BPTF: variants seen among roughly 807,000 people sequenced by gnomAD.
BPTF encodes the protein bromodomain PHD finger transcription factor.
A neutral mutation model predicts 292.5 loss-of-function variants in BPTF; 18 were observed. That is an observed-to-expected ratio of 0.06 (90% CI 0.04 to 0.09). The LOEUF (loss-of-function observed/expected upper bound fraction) is 0.09. Among genes scored for constraint, BPTF ranks in the 10% least tolerant of loss-of-function variants. The probability of loss-of-function intolerance (pLI) is 1.00; values close to 1 mark genes in which losing one functional copy is unlikely to be tolerated. For missense variants in BPTF, 2,726 were observed against 3,498.7 expected (o/e 0.78, Z 5.57); for synonymous variants, 1,225 against 1,251.9 (o/e 0.98, Z 0.45).
chr17:67,979,590 C>A (rs2070065140), intron 27 of BPTF, among the ~76,000 whole-genome samples: 1 of 151,982 alleles, frequency 6.6e-6, no homozygotes. Flanking sequence ...TTTAGAATCA[C>A]CCTATAGACA....
chr17:67,832,783 CTTTTTTTTTTTTT>C (rs60751133), intron 1 of BPTF, among the ~76,000 whole-genome samples: 1 of 101,640 alleles, frequency 9.8e-6, no homozygotes, highest in African/African-American at 4.2e-5. Context: ...TGATTCGCCT[CTTTTTTTTTTTTT>C]TTTTTTTTTG....
In BPTF at chr17:67,922,943, A is replaced by G. The variant is rs1427998938; in HGVS notation, c.5661A>G (p.Val1887=). The change falls in exon 14 of 28, where the codon GTA becomes GTG. Residue 1887 remains valine (V), a synonymous_variant. Transcript: ENST00000306378. ...QTGPVIIETW[V]AEEELELWEI... ...GCCCTGTTATTATTGAAACCTGGGT[A>G]GCAGAAGAAGAACTGGAATTGTGGG... 3 of 1,614,038 alleles carry G rather than the reference A, an allele frequency of 1.9e-6. No individual in the cohort carries two copies.
At chr17:67,958,672 A>G (rs1466666347) in intron 23 of BPTF, among the ~76,000 whole-genome samples, 5 of 149,516 alleles carry the variant, frequency 3.3e-5, no homozygotes, top group Non-Finnish European at 5.9e-5. Context: ...GGGAGGTTGG[A>G]GTGCGCTGAG....
At chr17:67,906,720 T>G (rs1428957943) in intron 9 of BPTF, among the ~76,000 whole-genome samples, 1 of 152,138 alleles carries the variant, frequency 6.6e-6, no homozygotes, top group Non-Finnish European at 1.5e-5. Context: ...AATAGATATA[T>G]TTTTTATATC....
chr17:67,828,992 T>A (rs1346169544), intron 1 of BPTF, among the ~76,000 whole-genome samples: 1 of 152,236 alleles, frequency 6.6e-6, no homozygotes, highest in African/African-American at 2.4e-5. Flanking sequence ...TAAATTATTG[T>A]TAGTAGATAA....
At chr17:67,919,210 AATAATAAT>A (rs1389476301) in intron 12 of BPTF, among the ~76,000 whole-genome samples, 130 of 143,146 alleles carry the variant, frequency 9.1e-4, no homozygotes, top group African/African-American at 2.8e-3. Context: ...TAATAATAAT[AATAATAAT>A]AAAATATAAT....
intron 4 of BPTF, among the ~76,000 whole-genome samples, chr17:67,879,293 C>T (rs1394195188): frequency 6.6e-6 from 1 of 152,056 alleles, no homozygotes; most frequent in Non-Finnish European, 1.5e-5. Context: ...AGGTGCCCAC[C>T]ACCACGTCTG....
At chr17:67,968,453 T>C (rs1237572339) in intron 26 of BPTF, among the ~76,000 whole-genome samples, 1 of 151,470 alleles carries the variant, frequency 6.6e-6, no homozygotes, top group African/African-American at 2.4e-5. Flanking sequence ...ATGCTGGTAA[T>C]AGAAGTAATA....
At chr17:67,838,973 G>A (rs1031234356) in intron 1 of BPTF, among the ~76,000 whole-genome samples, 18 of 151,928 alleles carry the variant, frequency 1.2e-4, no homozygotes, top group Non-Finnish European at 8.8e-5. Context: ...ATTGTTTCTT[G>A]TAGCTTTTGC....
Position 67,984,096 on chromosome 17 carries a change from T to A in BPTF, c.*1808T>A, listed in dbSNP as rs2070668844. ...TGTCCTTTTACTTTTTTAAAAAATG[T>A]TACATATTGTATGCACTGTGCTGAT... On this transcript the variant is annotated 3_prime_UTR_variant, in exon 28 of 28. Coordinates refer to ENST00000306378, the MANE Select transcript of BPTF (RefSeq NM_182641.4). The A allele has an allele frequency of 6.6e-6, 1 of 152,652 alleles. No homozygotes were observed. Among genetic ancestry groups the A allele is most frequent in the South Asian group, 2.1e-4 (1 of 4,832 alleles). 9.5% of individuals were successfully genotyped at this position (152,652 alleles called of 1,614,324 possible).
rs2061025483 is a variant in BPTF at position 67,890,302 on chromosome 17, C to T, written c.1865-1542C>T. 1.3e-5 allele frequency among the ~76,000 whole-genome samples: 2 copies of T among 152,076 alleles called. 1 individual carries two copies. The highest frequency in any genetic ancestry group is 1.3e-4 in the Admixed American group (2 of 15,258). ...GATCTAGGGAGCCAAATGAGGTTAT[C>T]GAGGCTACTTCTGATTTTGCCGTTT... On this transcript the variant is annotated intron_variant, in intron 4 of 27. Coordinates refer to ENST00000306378, the MANE Select transcript of BPTF (RefSeq NM_182641.4).
rs2064173703 is a variant in BPTF, at chr17:67,929,404, T to G, written c.6067T>G (p.Phe2023Val). Residue 2023 changes from phenylalanine to valine, a missense_variant, in exon 17 of 28, where the codon TTT becomes GTT. Transcript: ENST00000306378. ...AAGTACAGGTACCAGTCAGCAAACC[T>G]TTACTTCATTCCAGCCCAGGACAGC... ...PSSTGTSQQT[F>V]TSFQPRTATV... The G allele has an allele frequency of 2.5e-6, 4 of 1,613,996 alleles. No individual in the cohort carries two copies. Among genetic ancestry groups the G allele is most frequent in the African/African-American group, 1.3e-5 (1 of 74,898 alleles).
intron 18 of BPTF, among the ~76,000 whole-genome samples, chr17:67,933,562 T>C (rs1291927090): frequency 6.6e-6 from 1 of 151,524 alleles, no homozygotes; most frequent in African/African-American, 2.4e-5. Flanking sequence ...GAGCACGACC[T>C]GTTTAAAAAA....
Position 67,904,762 on chromosome 17 carries a change from A to G in BPTF, c.2734A>G (p.Ser912Gly). 6.2e-7 allele frequency: 1 copy of G among 1,613,068 alleles called. No homozygotes were observed. Among genetic ancestry groups the G allele is most frequent in the Non-Finnish European group, 8.5e-7 (1 of 1,179,126 alleles). The change falls in exon 9 of 28, where the codon AGT becomes GGT. Residue 912 changes from serine to glycine, a missense_variant. Transcript: ENST00000306378. ...VTGYGGWSWI[S>G]KTHVYRFVPK... The stretch of plus-strand genomic sequence containing the variant: ...AGGATATGGTGGTTGGAGCTGGATT[A>G]GTAAAACTCATGTTTATAGGTTTGT...
intron 1 of BPTF, among the ~76,000 whole-genome samples, chr17:67,831,637 T>A (rs1302387307): frequency 1.3e-5 from 2 of 152,094 alleles, no homozygotes; most frequent in Non-Finnish European, 2.9e-5. Flanking sequence ...TCCCTTTGAC[T>A]AAAGACCCTT....
chr17:67,833,111 T>G (rs1000932325), intron 1 of BPTF, among the ~76,000 whole-genome samples: 1 of 152,110 alleles, frequency 6.6e-6, no homozygotes, highest in Non-Finnish European at 1.5e-5. Context: ...TTGCCTCTTA[T>G]GGACATTTCT....
intron 18 of BPTF, among the ~76,000 whole-genome samples, chr17:67,938,219 C>G (rs967091646): frequency 3.9e-5 from 6 of 152,260 alleles, no homozygotes; most frequent in African/African-American, 1.4e-4. Flanking sequence ...TGAATCAGTA[C>G]CAATCCTTTT....
chr17:67,875,642 C>A, intron 4 of BPTF: 1 of 1,607,728 alleles, frequency 6.2e-7, no homozygotes, highest in Non-Finnish European at 8.5e-7. Flanking sequence ...AGAGACTAGT[C>A]CCTCTGAAGG....
chr17:67,896,049 G>A lies in BPTF; in HGVS notation c.2543+1884G>A, dbSNP rs142088771. Among the ~76,000 whole-genome samples, 323 of 148,614 alleles carry A rather than the reference G, an allele frequency of 2.2e-3. 3 individuals carry two copies. The highest frequency in any genetic ancestry group is 7.6e-3 in the African/African-American group (309 of 40,408). On this transcript the variant is annotated intron_variant, in intron 7 of 27. Transcript: ENST00000306378. Reference sequence around the variant, plus strand: ...CGTGATCTCGGCTCACTGCAGCTCCGCCTCCCGGGTTCACGCCATTCTCCT... The same window carrying A: ...CGTGATCTCGGCTCACTGCAGCTCCACCTCCCGGGTTCACGCCATTCTCCT...
Sources: gnomAD v4.1 joint callset for allele counts (sites outside exome capture counted in the v4.1 genomes callset) on GRCh38, gnomAD v4.1.1 for gene constraint, MANE v1.5 for transcripts, NCBI Gene and HGNC (gene_info 2026-07-23, HGNC 2026-07-21) for gene names.